Variants in DOP1A observed in about 807,000 individuals in gnomAD.
DOP1A encodes the protein DOP1 leucine zipper like protein A, also known as protein DOP1A.
DOP1A carries 90 observed loss-of-function variants against 267.6 expected under a neutral mutation model. That is an observed-to-expected ratio of 0.34 (90% CI 0.28 to 0.40). The LOEUF is 0.40. Ranked by LOEUF, DOP1A falls within the 10% of genes least tolerant of loss-of-function variation. The pLI is 1.00. For synonymous variants in DOP1A, 932 were observed against 999.1 expected (o/e 0.93, Z 1.27); for missense variants, 2,437 against 2,900.4 (o/e 0.84, Z 3.67).
At chr6:83,103,626 A>G (rs897668090) in intron 4 of DOP1A, among the ~76,000 whole-genome samples, 14 of 151,814 alleles carry the variant, frequency 9.2e-5, no homozygotes, top group African/African-American at 2.7e-4. Flanking sequence ...TCTCTTAACC[A>G]TTTTTCATAT....
chr6:83,135,798 A>C lies in DOP1A; in HGVS notation c.3050A>C (p.Glu1017Ala). The C allele has an allele frequency of 6.2e-7, 1 of 1,613,758 alleles. No individual in the cohort carries two copies. The highest frequency in any genetic ancestry group is 8.5e-7 in the Non-Finnish European group (1 of 1,179,714). Residue 1017 changes from glutamate to alanine, a missense_variant, in exon 20 of 39, where the codon GAA becomes GCA. Physicochemically the swap from Glu to Ala is moderately radical, Grantham distance 107 (BLOSUM62 -1). This residue lies in a region of DOP1A where 878 missense variants were observed against 992.9 expected (regional missense o/e 0.88). Transcript: ENST00000349129. Reference protein sequence around the residue: ...QRVSVQRVQAERYWNKSPCYP... With the variant: ...QRVSVQRVQAARYWNKSPCYP... ...GTTTCAGTACAGCGTGTACAAGCAGAACGTTATTGGAATAAGTCTCCCTGT... is the reference window on the plus strand; with the variant it reads ...GTTTCAGTACAGCGTGTACAAGCAGCACGTTATTGGAATAAGTCTCCCTGT...
rs749097072 is a variant in DOP1A at position 83,145,663 on chromosome 6, G to A, written c.5676+5G>A. ...CCAGCCATAGCCAAGGACAAGGTAAGAAAAAACTCTTCTTCACATGTGTTT... is the reference window on the plus strand; with the variant it reads ...CCAGCCATAGCCAAGGACAAGGTAAAAAAAAACTCTTCTTCACATGTGTTT... On this transcript the variant is annotated splice_donor_5th_base_variant and intron_variant, in intron 25 of 38. Transcript: ENST00000349129. 2 of 1,605,632 alleles carry A rather than the reference G, an allele frequency of 1.2e-6. No homozygotes were observed. The highest frequency in any genetic ancestry group is 8.5e-7 in the Non-Finnish European group (1 of 1,177,462).
In DOP1A at chr6:83,137,432, C is replaced by T. The variant is rs775292434; in HGVS notation, c.3390C>T (p.Thr1130=). ...DNLSYEVDPE[T]VNAQEDSQMP... is the part of the protein sequence containing the mutation. ...TGAGTTACGAAGTTGATCCTGAAAC[C>T]GTGAATGCCCAAGAGGATTCTCAAA... The change falls in exon 21 of 39, where the codon ACC becomes ACT. Residue 1130 remains threonine, a synonymous_variant. Coordinates refer to ENST00000349129, the MANE Select transcript of DOP1A (RefSeq NM_015018.4). 77 of 1,613,700 alleles carry T rather than the reference C, an allele frequency of 4.8e-5. No homozygotes were observed. The highest frequency in any genetic ancestry group is 5.8e-5 in the Non-Finnish European group (68 of 1,179,860).
chr6:83,072,979 G>A (rs1785869462), intron 1 of DOP1A: 1 of 375,608 alleles, frequency 2.7e-6, no homozygotes, highest in South Asian at 2.0e-5. Context: ...ACATAGTACA[G>A]TACTTGCTTT....
intron 35 of DOP1A, among the ~76,000 whole-genome samples, chr6:83,157,864 C>T (rs745903676): frequency 6.6e-6 from 1 of 152,142 alleles, no homozygotes; most frequent in Non-Finnish European, 1.5e-5. Context: ...ACACAGTCAT[C>T]CTTATCCTCC....
chr6:83,137,893 A>G lies in DOP1A; in HGVS notation c.3851A>G (p.Glu1284Gly). Residue 1284 changes from glutamate to glycine, a missense_variant, in exon 21 of 39, where the codon GAA becomes GGA. By Grantham distance (98) the Glu-to-Gly change is moderately conservative. Coordinates refer to ENST00000349129, the MANE Select transcript of DOP1A (RefSeq NM_015018.4). ...EKLSEKVSEK[E>G]TIVKESGKQP... ...TTATCAGAAAAAGTTTCGGAGAAGG[A>G]AACAATAGTTAAGGAGTCAGGTAAA... 6.2e-7 allele frequency: 1 copy of G among 1,613,260 alleles called. No homozygotes were observed. The highest frequency in any genetic ancestry group is 8.5e-7 in the Non-Finnish European group (1 of 1,179,798).
In DOP1A at chr6:83,168,440, C is replaced by G. The variant is rs533761164; in HGVS notation, c.*273C>G. 164 of 1,112,158 alleles carry G rather than the reference C, an allele frequency of 1.5e-4. No individual in the cohort carries two copies. Among genetic ancestry groups the G allele is most frequent in the Non-Finnish European group, 1.8e-4 (161 of 911,626 alleles). 68.9% of individuals were successfully genotyped at this position (1,112,158 alleles called of 1,614,324 possible). A position where few individuals can be genotyped will look rare whatever the true frequency, so the allele number is the denominator to read the frequency against. On this transcript the variant is annotated 3_prime_UTR_variant, in exon 39 of 39. Transcript: ENST00000349129. Reference sequence around the variant, plus strand: ...TTTATTGTCCTGAGTTGTCTTAAACCTGCAAAATATACACTACCCATTTTT... The same window carrying G: ...TTTATTGTCCTGAGTTGTCTTAAACGTGCAAAATATACACTACCCATTTTT...
Position 83,087,624 on chromosome 6 carries a change from C to T in DOP1A, c.-146-9107C>T, listed in dbSNP as rs114791437. Among the ~76,000 whole-genome samples, 484 of 152,322 alleles carry T rather than the reference C, an allele frequency of 3.2e-3. 5 individuals carry two copies. The highest frequency in any genetic ancestry group is 0.01 in the African/African-American group (427 of 41,578). ...AATCCCTACCTCTCCCATTTACTAG[C>T]TGTATTGCATATCATTTCTATCCTT... On this transcript the variant is annotated intron_variant, in intron 1 of 38. Coordinates refer to ENST00000349129, the MANE Select transcript of DOP1A (RefSeq NM_015018.4).
At position 83,134,711 on chromosome 6, in the gene DOP1A, T is replaced by C. The variant is rs1291231285; in HGVS notation, c.2870+424T>C. ...TGAAAACACTAACAGATTCTTTCCA[T>C]GAATCCAGAGAACTTGTAGCTGCCT... On this transcript the variant is annotated intron_variant, in intron 19 of 38. Coordinates refer to ENST00000349129, the MANE Select transcript of DOP1A (RefSeq NM_015018.4). Among the ~76,000 whole-genome samples, 3 of 152,180 alleles carry C rather than the reference T, an allele frequency of 2.0e-5. No homozygotes were observed. The East Asian group carries it at 5.8e-4, about 29-fold the overall frequency.
At position 83,138,947 on chromosome 6, in the gene DOP1A, A is replaced by G. The variant is rs1779218281; in HGVS notation, c.4905A>G (p.Thr1635=). 6.2e-7 allele frequency: 1 copy of G among 1,614,080 alleles called. No homozygotes were observed. The highest frequency in any genetic ancestry group is 8.5e-7 in the Non-Finnish European group (1 of 1,179,958). The change falls in exon 21 of 39, where the codon ACA becomes ACG. Residue 1635 remains threonine, a synonymous_variant. Coordinates refer to ENST00000349129, the MANE Select transcript of DOP1A (RefSeq NM_015018.4). ...SLQYLHAQPI[T]CQGMFLCAVI... is the part of the protein sequence containing the mutation. ...AGTATTTGCATGCTCAGCCAATCAC[A>G]TGTCAAGGCATGTTCCTCTGTGCAG...
At position 83,110,329 on chromosome 6, in the gene DOP1A, A is replaced by G. The variant is rs765718040; in HGVS notation, c.681+15A>G. On this transcript the variant is annotated intron_variant, in intron 6 of 38. Transcript: ENST00000349129. Reference sequence around the variant, plus strand: ...TTGAGCTAATGGTAGGTCTAAAAATATGGTTGCTCATTTCACAAATATTTC... The same window carrying G: ...TTGAGCTAATGGTAGGTCTAAAAATGTGGTTGCTCATTTCACAAATATTTC... The G allele has an allele frequency of 1.2e-6, 2 of 1,606,806 alleles. No individual in the cohort carries two copies. Among genetic ancestry groups the G allele is most frequent in the South Asian group, 1.1e-5 (1 of 89,808 alleles).
At chr6:83,103,926 T>C (rs567335337) in intron 4 of DOP1A, among the ~76,000 whole-genome samples, 1 of 152,276 alleles carries the variant, frequency 6.6e-6, no homozygotes, top group South Asian at 2.1e-4. Context: ...TCCAACTATA[T>C]GTATTACCCT....
chr6:83,093,280 C>G (rs973467991), intron 1 of DOP1A, among the ~76,000 whole-genome samples: 2 of 152,182 alleles, frequency 1.3e-5, no homozygotes, highest in Non-Finnish European at 2.9e-5. Context: ...GGTGACTACT[C>G]TCTCCAAAGA....
At chr6:83,134,699 A>G (rs1324688284) in intron 19 of DOP1A, among the ~76,000 whole-genome samples, 1 of 152,194 alleles carries the variant, frequency 6.6e-6, no homozygotes, top group East Asian at 1.9e-4. Context: ...AAACACTAAC[A>G]GATTCTTTCC....
intron 27 of DOP1A, among the ~76,000 whole-genome samples, chr6:83,149,644 G>A (rs1406003458): frequency 1.3e-5 from 2 of 152,108 alleles, no homozygotes; most frequent in Admixed American, 6.6e-5. Context: ...TTTGAGGAGA[G>A]ACATGACTGG....
In DOP1A at chr6:83,129,487, C is replaced by T. The variant is rs896817018; in HGVS notation, c.2320C>T (p.Arg774Cys). Residue 774 changes from arginine to cysteine, a missense_variant, in exon 16 of 39, where the codon CGT becomes TGT. Physicochemically the swap from Arg to Cys is radical, Grantham distance 180. Around this residue, in one of 9 missense-constraint regions of DOP1A, gnomAD observed 11 missense variants for 30.0 expected, o/e 0.37. Coordinates refer to ENST00000349129, the MANE Select transcript of DOP1A (RefSeq NM_015018.4). ...IAEGNHTSEL[R>C]SEKLETDCEH... is the part of the protein sequence containing the mutation. ...TGAGGGGAACCATACATCAGAGTTA[C>T]GTTCTGAAAAATTGGAGACTGGTAA... is the stretch of plus-strand genomic sequence containing the variant. 6 of 1,532,904 alleles carry T rather than the reference C, an allele frequency of 3.9e-6. No individual in the cohort carries two copies. Among genetic ancestry groups the T allele is most frequent in the Admixed American group, 4.7e-5 (2 of 42,570 alleles). The allele number at this position is 1,532,904 out of a possible 1,614,324, so 95.0% of individuals were successfully genotyped here.
chr6:83,100,627 A>C, intron 3 of DOP1A, 78 bp from the exon 4 acceptor site: 2 of 1,024,784 alleles, frequency 2.0e-6, no homozygotes, highest in Non-Finnish European at 2.7e-6. Flanking sequence ...CATTTTTTAT[A>C]ATACTATGCT....
intron 1 of DOP1A, among the ~76,000 whole-genome samples, chr6:83,083,193 C>T (rs1768446463): frequency 6.6e-6 from 1 of 152,066 alleles, no homozygotes; most frequent in Non-Finnish European, 1.5e-5. Flanking sequence ...ATTTTAAACA[C>T]TATCAGTATT....
chr6:83,148,932 A>T, intron 27 of DOP1A, 69 bp downstream of exon 27: 1 of 916,326 alleles, frequency 1.1e-6, no homozygotes, highest in Non-Finnish European at 1.6e-6. Context: ...GCCAAGTATT[A>T]GTAATAGATA....
Sources: allele counts gnomAD v4.1 joint callset (sites outside exome capture counted in the v4.1 genomes callset), GRCh38; gene constraint gnomAD v4.1.1; regional missense constraint gnomAD v4.1.1; transcripts MANE v1.5; gene names NCBI Gene and HGNC (gene_info 2026-07-23, HGNC 2026-07-21).